Variants in NOX1 observed in about 807,000 individuals in gnomAD.
NOX1 encodes the protein NADH/NADPH mitogenic oxidase subunit P65-MOX.
NOX1 carries 34 observed loss-of-function variants against 42.5 expected under a neutral mutation model. That is an observed-to-expected ratio of 0.80 (90% confidence interval 0.61 to 1.07). The LOEUF (loss-of-function observed/expected upper bound fraction) is 1.07, where lower values mean the gene tolerates loss of function less well. Ranked by LOEUF, NOX1 falls within the 50% of genes least tolerant of loss-of-function variation. NOX1 has a pLI of 0.00. For missense variants in NOX1, 408 were observed against 427.0 expected (o/e 0.96, Z 0.39); for synonymous variants, 143 against 152.5 (o/e 0.94, Z 0.46).
At chrX:100,866,728 C>A (rs2085240619) in intron 2 of NOX1, among the ~76,000 whole-genome samples, 1 of 90,174 alleles carries the variant, frequency 1.1e-5, no homozygotes, top group African/African-American at 4.4e-5. Flanking sequence ...AAATGTCCTA[C>A]AGAGTGGAAT....
chrX:100,848,786 C>T (rs771106833), intron 11 of NOX1, 32 bp from the exon 12 acceptor site: 1 of 1,201,077 alleles, frequency 8.3e-7, no homozygotes, highest in Non-Finnish European at 1.1e-6. Context: ...TTAGAAAAAC[C>T]AAGTCCTAGG....
chrX:100,843,865 A>G lies in NOX1; in HGVS notation c.*87T>C. 1.2e-6 allele frequency: 1 copy of G among 826,078 alleles called. No homozygotes were observed. The allele number at this position is 826,078 out of a possible 1,213,427, so 68.1% of individuals were successfully genotyped here. On this transcript the variant is annotated 3_prime_UTR_variant, in exon 13 of 13. Coordinates refer to ENST00000372966, the MANE Select transcript of NOX1 (RefSeq NM_007052.5). ...GCTTGAGAGGCACATTCTTATCCTA[A>G]AGTGACTGCTCAAACCTGACGAGAC...
rs1602386521 is a variant in NOX1, at chrX:100,855,339, G to C, written c.805-4014C>G. 8 of 589,108 alleles carry C rather than the reference G, an allele frequency of 1.4e-5. No individual in the cohort carries two copies. In the East Asian group the frequency reaches 2.6e-4, roughly 19 times the overall value. The allele number at this position is 589,108 out of a possible 1,213,427, so 48.5% of individuals were successfully genotyped here. On this transcript the variant is annotated intron_variant, in intron 7 of 12. Transcript: ENST00000372966. Reference sequence around the variant, plus strand: ...TACTGCTGCTACTGGAACCGCCATAGCCACTGTGGTTTGGTGGTTTGGCAA... The same window carrying C: ...TACTGCTGCTACTGGAACCGCCATACCCACTGTGGTTTGGTGGTTTGGCAA...
Position 100,843,814 on chromosome X carries a change from CA to C in NOX1, c.*137del. ...CTCAAGTAACGAAGTTGAATGCAAT[CA>C]AAAAAAGAATACCAGGGAGTCAAGG... On this transcript the variant is annotated 3_prime_UTR_variant, in exon 13 of 13. Transcript: ENST00000372966. 1 of 490,019 alleles carries C rather than the reference CA, an allele frequency of 2.0e-6. No individual in the cohort carries two copies. Among genetic ancestry groups the C allele is most frequent in the Non-Finnish European group, 3.3e-6 (1 of 303,089 alleles). 40.4% of individuals were successfully genotyped at this position (490,019 alleles called of 1,213,427 possible).
intron 2 of NOX1, among the ~76,000 whole-genome samples, chrX:100,870,475 A>C (rs750613915): frequency 8.9e-6 from 1 of 111,966 alleles, no homozygotes; most frequent in Non-Finnish European, 1.9e-5. Flanking sequence ...TGCTAAGCTA[A>C]ATTTTAACTT....
chrX:100,857,944 A>T (rs1285053944), intron 7 of NOX1, among the ~76,000 whole-genome samples: 2 of 110,480 alleles, frequency 1.8e-5, no homozygotes, highest in East Asian at 5.7e-4. Flanking sequence ...ATCAATTTTT[A>T]TTTTTGTTGC....
intron 7 of NOX1, among the ~76,000 whole-genome samples, chrX:100,853,318 CTT>C (rs2085137887): frequency 1.2e-5 from 1 of 80,922 alleles, no homozygotes; most frequent in Non-Finnish European, 2.4e-5. Flanking sequence ...TTCTTTCTTT[CTT>C]TCTCTCTCTT....
At chrX:100,869,497 C>T (rs1602394516) in intron 2 of NOX1, among the ~76,000 whole-genome samples, 2 of 109,860 alleles carry the variant, frequency 1.8e-5, no homozygotes, top group Non-Finnish European at 1.9e-5. Flanking sequence ...CTTGTGATTT[C>T]TGTACATTGA....
intron 12 of NOX1, 135 bp downstream of exon 12, chrX:100,848,495 T>C (rs1443528432): frequency 2.2e-6 from 1 of 456,208 alleles, no homozygotes; most frequent in Non-Finnish European, 3.4e-6. Flanking sequence ...TTTTGCCAAG[T>C]TGGCCAGACT....
intron 7 of NOX1, among the ~76,000 whole-genome samples, chrX:100,858,261 G>A (rs912619348): frequency 5.4e-5 from 6 of 111,309 alleles, no homozygotes; most frequent in African/African-American, 2.0e-4. Flanking sequence ...CATTATTTCT[G>A]GGCTCTCTAT....
At chrX:100,849,705 C>T in intron 10 of NOX1, 67 bp downstream of exon 10, 1 of 1,063,436 alleles carries the variant, frequency 9.4e-7, no homozygotes, top group East Asian at 3.0e-5. Context: ...TTGTAAAGAG[C>T]TTAGCCCAAG....
In NOX1 at chrX:100,851,220, G is replaced by C. The variant is rs1421626133; in HGVS notation, c.897+13C>G. 5 of 1,044,234 alleles carry C rather than the reference G, an allele frequency of 4.8e-6. No homozygotes were observed. Among genetic ancestry groups the C allele is most frequent in the African/African-American group, 3.7e-5 (2 of 53,663 alleles). 86.1% of individuals were successfully genotyped at this position (1,044,234 alleles called of 1,213,427 possible). ...ACTCTTATCACAGCAAGAGGAAAGT[G>C]CATATTCTTTACCTTGGTAATCACA... On this transcript the variant is annotated intron_variant, in intron 8 of 12. Transcript: ENST00000372966.
At chrX:100,846,866 T>A (rs980010106) in intron 12 of NOX1, among the ~76,000 whole-genome samples, 6 of 111,705 alleles carry the variant, frequency 5.4e-5, no homozygotes, top group African/African-American at 2.0e-4. Flanking sequence ...AGTTCAGAAG[T>A]TCAAGGTCTC....
rs1162162337 is a variant in NOX1, at chrX:100,869,377, A to G, written c.141+1342T>C. Among the ~76,000 whole-genome samples, 6 of 107,217 alleles carry G rather than the reference A, an allele frequency of 5.6e-5. No homozygotes were observed. In the East Asian group the frequency reaches 1.5e-3, roughly 26 times the overall value. The allele number at this position is 107,217 out of a possible 115,157, so 93.1% of individuals were successfully genotyped here. ...AGTTCTCCTTGAAGAGGTCCTTCAC[A>G]TCCCTTGTAAGTTGGATTCCTAGGT... On this transcript the variant is annotated intron_variant, in intron 2 of 12. Coordinates refer to ENST00000372966, the MANE Select transcript of NOX1 (RefSeq NM_007052.5).
At chrX:100,866,221 C>CA (rs34462542) in intron 2 of NOX1, among the ~76,000 whole-genome samples, 17,076 of 72,520 alleles carry the variant, frequency 0.24, 1,547 homozygotes, top group Middle Eastern at 0.29. Context: ...GACTCCATCT[C>CA]AAAAAAAAAA....
intron 7 of NOX1, among the ~76,000 whole-genome samples, chrX:100,859,735 A>G (rs1602388958): frequency 9.8e-6 from 1 of 102,167 alleles, no homozygotes. Context: ...GTGTGCATAG[A>G]GATGTTCATA....
intron 6 of NOX1, 40 bp downstream of exon 6, chrX:100,862,352 C>T: frequency 2.5e-6 from 3 of 1,209,924 alleles, no homozygotes; most frequent in Non-Finnish European, 3.4e-6. Context: ...TATGCAAGGT[C>T]AGGGGCTGGG....
intron 7 of NOX1, among the ~76,000 whole-genome samples, chrX:100,853,257 C>CTTT (rs1569445439): frequency 4.3e-4 from 11 of 25,443 alleles, no homozygotes; most frequent in South Asian, 1.5e-3. Flanking sequence ...TTCCTTCCTT[C>CTTT]CTTCCTTTCT....
At chrX:100,860,468 T>A (rs1293959337) in intron 7 of NOX1, among the ~76,000 whole-genome samples, 1 of 111,892 alleles carries the variant, frequency 8.9e-6, no homozygotes, top group Non-Finnish European at 1.9e-5. Flanking sequence ...GCAGGTTTTT[T>A]AATCTTTGCT....
Sources: allele counts gnomAD v4.1 joint callset (sites outside exome capture counted in the v4.1 genomes callset), GRCh38; gene constraint gnomAD v4.1.1; transcripts MANE v1.5; gene names NCBI Gene and HGNC (gene_info 2026-07-23, HGNC 2026-07-21).